The following SPATA31D1 variants were observed in gnomAD, a reference collection of about 807,000 sequenced individuals.
SPATA31D1 encodes the protein SPATA31 subfamily D member 1, also known as spermatogenesis-associated protein 31D1.
A neutral mutation model predicts 13.2 loss-of-function variants in SPATA31D1; 6 were observed. The ratio of observed to expected loss-of-function variants is 0.46; its 90% CI spans 0.25 to 0.90. The LOEUF (loss-of-function observed/expected upper bound fraction) is 0.90. SPATA31D1 is among the 40% of genes least tolerant of loss of function. SPATA31D1 has a pLI of 0.18. For synonymous variants in SPATA31D1, 903 were observed against 718.8 expected (o/e 1.26, Z -4.10); for missense variants, 2,445 against 1,884.7 (o/e 1.30, Z -5.50).
intron 1 of SPATA31D1, among the ~76,000 whole-genome samples, chr9:81,989,264 C>A (rs117509962): frequency 0.012 from 1,835 of 152,254 alleles, 20 homozygotes; most frequent in Admixed American, 0.018. Flanking sequence ...AGGATAAAAT[C>A]CCAAACACAG....
In SPATA31D1 at chr9:81,993,208, G is replaced by T; in HGVS notation, c.2738G>T (p.Arg913Met). 5.6e-6 allele frequency: 9 copies of T among 1,613,954 alleles called. No homozygotes were observed. The highest frequency in any genetic ancestry group is 7.6e-6 in the Non-Finnish European group (9 of 1,179,874). The change falls in exon 4 of 4, where the codon AGG (arginine) becomes ATG (methionine). Residue 913 changes from arginine to methionine, a missense_variant. Physicochemically the swap from Arg to Met is moderately conservative, Grantham distance 91. Transcript: ENST00000344803. ...LEAHIKTFRM[R>M]MLWGLPLKVL... The stretch of plus-strand genomic sequence containing the variant: ...GCCCATATTAAAACTTTCCGTATGA[G>T]GATGCTGTGGGGCCTTCCCCTCAAG...
chr9:81,994,565 C>A lies in SPATA31D1; in HGVS notation c.4095C>A (p.Ser1365Arg), dbSNP rs1472645987. 6 of 1,612,916 alleles carry A rather than the reference C, an allele frequency of 3.7e-6. No individual in the cohort carries two copies. The highest frequency in any genetic ancestry group is 5.1e-6 in the Non-Finnish European group (6 of 1,179,440). Reference sequence around the variant, plus strand: ...CTTTGCAGTGGTTTAATAAACCCAGCATATCATATGAAGAACAAGAAAGTT... The same window carrying A: ...CTTTGCAGTGGTTTAATAAACCCAGAATATCATATGAAGAACAAGAAAGTT... ...KTSLQWFNKP[S>R]ISYEEQESSW... is the part of the protein sequence containing the mutation. Residue 1365 changes from serine (S) to arginine (R), a missense_variant, in exon 4 of 4, where the codon AGC becomes AGA. Ser to Arg is a moderately radical substitution (Grantham distance 110). Coordinates refer to ENST00000344803, the MANE Select transcript of SPATA31D1 (RefSeq NM_001001670.3).
rs770096333 is a variant in SPATA31D1, at chr9:81,993,755, C to T, written c.3285C>T (p.Ser1095=). 4.3e-6 allele frequency: 7 copies of T among 1,614,028 alleles called. No homozygotes were observed. The highest frequency in any genetic ancestry group is 2.2e-5 in the East Asian group (1 of 44,878). Residue 1095 remains serine, a synonymous_variant, in exon 4 of 4, where the codon AGC becomes AGT. Transcript: ENST00000344803. The stretch of plus-strand genomic sequence containing the variant: ...AGACTTTTCTGCCCCCGCCACACAG[C>T]ATCGTAGACGAAGTCAGTCAGAAAC... The part of the protein sequence containing the change: ...GRQTFLPPPH[S]IVDEVSQKQT...
rs1265998595 is a variant in SPATA31D1 at position 81,992,187 on chromosome 9, C to A, written c.1717C>A (p.Pro573Thr). Reference sequence around the variant, plus strand: ...TCAAACCCTGCCCCAAGGTCAGTCCCCACATCTCACTCAGGTGAAGTCCCT... The same window carrying A: ...TCAAACCCTGCCCCAAGGTCAGTCCACACATCTCACTCAGGTGAAGTCCCT... Reference protein sequence around the residue: ...LPQTLPQGQSPHLTQVKSLAQ... With the variant: ...LPQTLPQGQSTHLTQVKSLAQ... Residue 573 changes from proline (P) to threonine (T), a missense_variant, in exon 4 of 4, where the codon CCA becomes ACA. Pro to Thr is a conservative substitution (Grantham distance 38). Transcript: ENST00000344803. 6.2e-7 allele frequency: 1 copy of A among 1,613,780 alleles called. No individual in the cohort carries two copies. The highest frequency in any genetic ancestry group is 1.7e-5 in the Admixed American group (1 of 60,014).
At position 81,993,669 on chromosome 9, in the gene SPATA31D1, G is replaced by C; in HGVS notation, c.3199G>C (p.Glu1067Gln). 1 of 1,614,030 alleles carries C rather than the reference G, an allele frequency of 6.2e-7. No individual in the cohort carries two copies. Among genetic ancestry groups the C allele is most frequent in the Non-Finnish European group, 8.5e-7 (1 of 1,179,892 alleles). Reference protein sequence around the residue: ...NQEKQGTLRREFSDTDNDLTE... With the variant: ...NQEKQGTLRRQFSDTDNDLTE... The stretch of plus-strand genomic sequence containing the variant: ...AGAAAAGCAGGGGACCCTGAGAAGA[G>C]AATTCTCTGATACTGACAATGATCT... The change falls in exon 4 of 4, where the codon GAA becomes CAA. Residue 1067 changes from glutamate to glutamine, a missense_variant. Glu to Gln is a conservative substitution (Grantham distance 29, BLOSUM62 2). Transcript: ENST00000344803.
Position 81,991,261 on chromosome 9 carries a change from C to G in SPATA31D1, c.791C>G (p.Ala264Gly). The change falls in exon 4 of 4, where the codon GCC becomes GGC. Residue 264 changes from alanine (A) to glycine (G), a missense_variant. By Grantham distance (60) the Ala-to-Gly change is moderately conservative. Coordinates refer to ENST00000344803, the MANE Select transcript of SPATA31D1 (RefSeq NM_001001670.3). ...GTGGAGTCCAGCCTCCAACCTGAAG[C>G]CAGTTTGTCTCTGAACACCATCTTT... ...ERVESSLQPE[A>G]SLSLNTIFSF... 1 of 1,614,050 alleles carries G rather than the reference C, an allele frequency of 6.2e-7. No individual in the cohort carries two copies. The highest frequency in any genetic ancestry group is 8.5e-7 in the Non-Finnish European group (1 of 1,179,898).
Position 81,991,247 on chromosome 9 carries a change from C to G in SPATA31D1, c.777C>G (p.Ser259Arg), listed in dbSNP as rs770312079. 1.2e-6 allele frequency: 2 copies of G among 1,614,054 alleles called. No homozygotes were observed. The highest frequency in any genetic ancestry group is 2.2e-5 in the South Asian group (2 of 91,072). The change falls in exon 4 of 4, where the codon AGC becomes AGG. Residue 259 changes from serine to arginine, a missense_variant. Physicochemically the swap from Ser to Arg is moderately radical, Grantham distance 110 (BLOSUM62 -1). Transcript: ENST00000344803. ...ATCACATTGAGAGAGTGGAGTCCAG[C>G]CTCCAACCTGAAGCCAGTTTGTCTC... ...PPHHIERVESSLQPEASLSLN... is the reference protein window; with the variant it reads ...PPHHIERVESRLQPEASLSLN...
At chr9:81,990,664 T>C (rs2133437830) in intron 3 of SPATA31D1, 109 bp from the exon 4 acceptor site, 2 of 1,408,592 alleles carry the variant, frequency 1.4e-6, no homozygotes, top group East Asian at 5.0e-5. Flanking sequence ...GGACCTCATA[T>C]ACGGTGAGGT....
upstream of SPATA31D1, chr9:81,988,646 A>G: frequency 1.0e-6 from 1 of 962,026 alleles, no homozygotes; most frequent in Non-Finnish European, 1.5e-6. Flanking sequence ...GGCCCAGGAG[A>G]GTCAGCTGGG....
Position 81,993,650 on chromosome 9 carries a change from G to A in SPATA31D1, c.3180G>A (p.Lys1060=), listed in dbSNP as rs750474720. The A allele has an allele frequency of 1.9e-6, 3 of 1,614,014 alleles. No individual in the cohort carries two copies. Among genetic ancestry groups the A allele is most frequent in the South Asian group, 2.2e-5 (2 of 91,086 alleles). The change falls in exon 4 of 4, where the codon AAG becomes AAA. Residue 1060 remains lysine (K), a synonymous_variant. Transcript: ENST00000344803. The stretch of plus-strand genomic sequence containing the variant: ...TCACTTCACCTGTCAACCAAGAAAA[G>A]CAGGGGACCCTGAGAAGAGAATTCT... ...YLVTSPVNQE[K]QGTLRREFSD... is the part of the protein sequence containing the mutation.
At position 81,992,120 on chromosome 9, in the gene SPATA31D1, C is replaced by A; in HGVS notation, c.1650C>A (p.Pro550=). 1 of 1,613,746 alleles carries A rather than the reference C, an allele frequency of 6.2e-7. No homozygotes were observed. Among genetic ancestry groups the A allele is most frequent in the Non-Finnish European group, 8.5e-7 (1 of 1,179,716 alleles). ...ISHESPVLPP[P]QPLSLPSTQP... is the part of the protein sequence containing the mutation. ...ATGAATCCCCAGTACTTCCCCCTCC[C>A]CAACCTCTGTCCTTGCCTAGTACCC... is the stretch of plus-strand genomic sequence containing the variant. Residue 550 remains proline (P), a synonymous_variant, in exon 4 of 4, where the codon CCC becomes CCA. Transcript: ENST00000344803.
chr9:81,992,407 C>T lies in SPATA31D1; in HGVS notation c.1937C>T (p.Ser646Phe). The T allele has an allele frequency of 6.2e-7, 1 of 1,613,568 alleles. No homozygotes were observed. The highest frequency in any genetic ancestry group is 8.5e-7 in the Non-Finnish European group (1 of 1,179,726). Residue 646 changes from serine (S) to phenylalanine (F), a missense_variant, in exon 4 of 4, where the codon TCC becomes TTC. Coordinates refer to ENST00000344803, the MANE Select transcript of SPATA31D1 (RefSeq NM_001001670.3). ...GGCTTACCCTCTGTGGTTCAAAAAT[C>T]CCAGGAAGACTTTTGTCCTCCAGCT... ...LWGLPSVVQK[S>F]QEDFCPPAPN...
Position 81,994,529 on chromosome 9 carries a change from G to T in SPATA31D1, c.4059G>T (p.Trp1353Cys). 6.2e-7 allele frequency: 1 copy of T among 1,613,468 alleles called. No homozygotes were observed. Among genetic ancestry groups the T allele is most frequent in the Non-Finnish European group, 8.5e-7 (1 of 1,179,656 alleles). ...QPPPENLFRKWMKTSLQWFNK... is the reference protein window; with the variant it reads ...QPPPENLFRKCMKTSLQWFNK... The stretch of plus-strand genomic sequence containing the variant: ...CTCCTGAAAACCTTTTCAGAAAATG[G>T]ATGAAGACCTCTTTGCAGTGGTTTA... The change falls in exon 4 of 4, where the codon TGG becomes TGT. Residue 1353 changes from tryptophan to cysteine, a missense_variant. Physicochemically the swap from Trp to Cys is radical, Grantham distance 215 (BLOSUM62 -2). Transcript: ENST00000344803.
In SPATA31D1 at chr9:81,993,469, C is replaced by T. The variant is rs1044637436; in HGVS notation, c.2999C>T (p.Thr1000Ile). Residue 1000 changes from threonine (T) to isoleucine (I), a missense_variant, in exon 4 of 4, where the codon ACC becomes ATC. Transcript: ENST00000344803. ...CCTGTCGTCCAAGAAGGGCAGGGGA[C>T]CCTGAGAAGACAATTTTCTGATACT... ...SSPVVQEGQG[T>I]LRRQFSDTDH... The T allele has an allele frequency of 1.9e-6, 3 of 1,613,818 alleles. No homozygotes were observed. Among genetic ancestry groups the T allele is most frequent in the Non-Finnish European group, 2.5e-6 (3 of 1,179,850 alleles).
At position 81,994,780 on chromosome 9, in the gene SPATA31D1, G is replaced by A. The variant is rs893139414; in HGVS notation, c.4310G>A (p.Gly1437Glu). ...CAAGAGCCCCTTTCCTTCCCAGTGGGGCTTGGGAAAGCTCAGCACAACCCA... is the reference window on the plus strand; with the variant it reads ...CAAGAGCCCCTTTCCTTCCCAGTGGAGCTTGGGAAAGCTCAGCACAACCCA... ...CPQEPLSFPV[G>E]LGKAQHNPEV... The change falls in exon 4 of 4, where the codon GGG becomes GAG. Residue 1437 changes from glycine (G) to glutamate (E), a missense_variant. Gly to Glu is a moderately conservative substitution (Grantham distance 98). Transcript: ENST00000344803. The A allele has an allele frequency of 1.8e-5, 29 of 1,613,794 alleles. No individual in the cohort carries two copies. The highest frequency in any genetic ancestry group is 2.4e-5 in the Non-Finnish European group (28 of 1,179,882).
Position 81,993,132 on chromosome 9 carries a change from A to G in SPATA31D1, c.2662A>G (p.Thr888Ala), listed in dbSNP as rs1825013796. 7 of 1,613,918 alleles carry G rather than the reference A, an allele frequency of 4.3e-6. No homozygotes were observed. The highest frequency in any genetic ancestry group is 1.1e-5 in the South Asian group (1 of 91,088). The change falls in exon 4 of 4, where the codon ACT (threonine) becomes GCT (alanine). Residue 888 changes from threonine (T) to alanine (A), a missense_variant. Thr to Ala is a moderately conservative substitution (Grantham distance 58). Coordinates refer to ENST00000344803, the MANE Select transcript of SPATA31D1 (RefSeq NM_001001670.3). ...GGTGAGTGAGGACCACTGCGTTGAT[A>G]CTTCCCAGGAAATTTCCTTCCTTAG... The part of the protein sequence containing the change: ...TLVSEDHCVD[T>A]SQEISFLSSN...
Position 81,993,444 on chromosome 9 carries a change from C to G in SPATA31D1, c.2974C>G (p.Pro992Ala). Residue 992 changes from proline to alanine, a missense_variant, in exon 4 of 4, where the codon CCT becomes GCT. Pro to Ala is a conservative substitution (Grantham distance 27). Coordinates refer to ENST00000344803, the MANE Select transcript of SPATA31D1 (RefSeq NM_001001670.3). Reference sequence around the variant, plus strand: ...TGATCGTCCTCACCCTGTCTCCTCACCTGTCGTCCAAGAAGGGCAGGGGAC... The same window carrying G: ...TGATCGTCCTCACCCTGTCTCCTCAGCTGTCGTCCAAGAAGGGCAGGGGAC... ...ILDRPHPVSSPVVQEGQGTLR... is the reference protein window; with the variant it reads ...ILDRPHPVSSAVVQEGQGTLR... 1 of 1,613,902 alleles carries G rather than the reference C, an allele frequency of 6.2e-7. No homozygotes were observed. Among genetic ancestry groups the G allele is most frequent in the African/African-American group, 1.3e-5 (1 of 75,044 alleles).
In SPATA31D1 at chr9:81,993,830, T is replaced by C; in HGVS notation, c.3360T>C (p.Ala1120=). The change falls in exon 4 of 4, where the codon GCT becomes GCC. Residue 1120 remains alanine, a synonymous_variant. Coordinates refer to ENST00000344803, the MANE Select transcript of SPATA31D1 (RefSeq NM_001001670.3). The part of the protein sequence containing the change: ...RCSAELPIMQ[A]GAGCESWDKR... ...GCGCAGAGCTGCCCATAATGCAAGC[T>C]GGAGCTGGCTGTGAGTCATGGGATA... 6.2e-7 allele frequency: 1 copy of C among 1,614,032 alleles called. No homozygotes were observed. Among genetic ancestry groups the C allele is most frequent in the Non-Finnish European group, 8.5e-7 (1 of 1,179,900 alleles).
rs1825039058 is a variant in SPATA31D1 at position 81,993,983 on chromosome 9, G to C, written c.3513G>C (p.Leu1171=). 6.2e-7 allele frequency: 1 copy of C among 1,613,756 alleles called. No homozygotes were observed. Among genetic ancestry groups the C allele is most frequent in the Non-Finnish European group, 8.5e-7 (1 of 1,179,748 alleles). Reference sequence around the variant, plus strand: ...CCAGCAAGTCAGGAAGCTGCTCACTGACAAATGTGAAAGCAAGCACTTCCA... The same window carrying C: ...CCAGCAAGTCAGGAAGCTGCTCACTCACAAATGTGAAAGCAAGCACTTCCA... ...LTTSKSGSCS[L]TNVKASTSNE... Residue 1171 remains leucine (L), a synonymous_variant, in exon 4 of 4, where the codon CTG becomes CTC. Transcript: ENST00000344803.
Sources: gnomAD v4.1 joint callset for allele counts (sites outside exome capture counted in the v4.1 genomes callset) on GRCh38, gnomAD v4.1.1 for gene constraint, MANE v1.5 for transcripts, NCBI Gene and HGNC (gene_info 2026-07-23, HGNC 2026-07-21) for gene names.